Variants in PCDH11X observed in about 807,000 individuals in gnomAD.
The protein encoded by PCDH11X is protocadherin-11 X-linked.
Under a neutral mutation model 53.3 loss-of-function variants are expected in PCDH11X, and 18 were observed. The observed-to-expected ratio is 0.34, with a 90% CI of 0.23 to 0.50. PCDH11X has a LOEUF of 0.50. PCDH11X is among the 20% of genes least tolerant of loss of function. The probability of loss-of-function intolerance (pLI) is 0.98; values close to 1 mark genes in which losing one functional copy is unlikely to be tolerated. For synonymous variants in PCDH11X, 279 were observed against 393.3 expected, an observed-to-expected ratio of 0.71 and a Z score of 3.44; for missense variants, 570 against 1,032.4, an observed-to-expected ratio of 0.55 and a Z score of 6.14.
At chrX:91,964,743 G>A (rs2061841502) in intron 6 of PCDH11X, among the ~76,000 whole-genome samples, 1 of 112,140 alleles carries the variant, frequency 8.9e-6, no homozygotes, top group Non-Finnish European at 1.9e-5. Flanking sequence ...GAGCTGACAG[G>A]TTGTACTAGA....
chrX:92,137,755 A>T (rs2148209734), intron 6 of PCDH11X, among the ~76,000 whole-genome samples: 1 of 109,199 alleles, frequency 9.2e-6, no homozygotes, highest in East Asian at 2.9e-4. Context: ...GTATCAAAAG[A>T]TTTGCTTATT....
At chrX:92,107,212 G>A (rs2064403678) in intron 6 of PCDH11X, among the ~76,000 whole-genome samples, 2 of 111,300 alleles carry the variant, frequency 1.8e-5, no homozygotes, top group African/African-American at 6.5e-5. Context: ...TGTGTTGATT[G>A]ACGTGTGATG....
chrX:91,960,931 CT>C lies in PCDH11X; in HGVS notation c.3033+81659del, dbSNP rs781740517. Among the ~76,000 whole-genome samples, 786 of 106,838 alleles carry C rather than the reference CT, an allele frequency of 7.4e-3. 4 individuals carry two copies. The highest frequency in any genetic ancestry group is 0.025 in the African/African-American group (730 of 29,227). The allele number at this position is 106,838 out of a possible 115,157, so 92.8% of individuals were successfully genotyped here. A position where few individuals can be genotyped will look rare whatever the true frequency, so the allele number is the denominator to read the frequency against. ...TGGATTTATTTCTGGGTTCTGTATT[CT>C]GTTCTATCAGTTTATATGTCTGTTT... On this transcript the variant is annotated intron_variant, in intron 6 of 10. Coordinates refer to ENST00000682573, the MANE Select transcript of PCDH11X (RefSeq NM_032968.5).
chrX:92,292,489 G>C (rs1296332145), intron 8 of PCDH11X, among the ~76,000 whole-genome samples: 1 of 112,048 alleles, frequency 8.9e-6, no homozygotes, highest in Non-Finnish European at 1.9e-5. Context: ...GAATTCAGAA[G>C]ACTTTTAAAA....
chrX:91,807,119 G>A (rs1283249798), intron 1 of PCDH11X, among the ~76,000 whole-genome samples: 6 of 103,211 alleles, frequency 5.8e-5, no homozygotes, highest in Admixed American at 4.3e-4. Flanking sequence ...ATGGGAGGAT[G>A]GCTTGAGAAT....
At chrX:91,997,023 A>G (rs938980134) in intron 6 of PCDH11X, among the ~76,000 whole-genome samples, 3 of 94,903 alleles carry the variant, frequency 3.2e-5, no homozygotes, top group Admixed American at 1.2e-4. Context: ...TTACTTTTTT[A>G]ATAGTTAGTT....
chrX:92,575,972 T>A (rs1602367296), intron 10 of PCDH11X, among the ~76,000 whole-genome samples: 1 of 29,729 alleles, frequency 3.4e-5, no homozygotes, highest in Non-Finnish European at 5.6e-5. Context: ...CACACACACC[T>A]GGGGTGTATA....
intron 10 of PCDH11X, among the ~76,000 whole-genome samples, chrX:92,509,514 AGATTCTCATCTTCT>A (rs2148705344): frequency 8.9e-6 from 1 of 111,954 alleles, no homozygotes; most frequent in East Asian, 2.8e-4. Context: ...TTTCTGTTTC[AGATTCTCATCTTCT>A]TTGAGATAAG....
intron 6 of PCDH11X, among the ~76,000 whole-genome samples, chrX:92,073,617 G>C (rs1466958825): frequency 8.9e-6 from 1 of 112,306 alleles, no homozygotes; most frequent in Non-Finnish European, 1.9e-5. Flanking sequence ...TGGAGGCAAT[G>C]GAAGAGCAAT....
Position 92,619,243 on chromosome X carries a change from C to A in PCDH11X, c.*303C>A, listed in dbSNP as rs188711328. ...CAGTATTTTTTGTTGTTTTTATCAT[C>A]ATGTGCAATATTACTGATTTGTTTC... is the stretch of plus-strand genomic sequence containing the variant. On this transcript the variant is annotated 3_prime_UTR_variant, in exon 11 of 11. Coordinates refer to ENST00000682573, the MANE Select transcript of PCDH11X (RefSeq NM_032968.5). 12 of 346,158 alleles carry A rather than the reference C, an allele frequency of 3.5e-5. No individual in the cohort carries two copies. The Admixed American group carries it at 5.0e-4, about 14-fold the overall frequency. 28.5% of individuals were successfully genotyped at this position (346,158 alleles called of 1,213,427 possible).
At chrX:91,966,001 G>A (rs1414802334) in intron 6 of PCDH11X, among the ~76,000 whole-genome samples, 1 of 111,382 alleles carries the variant, frequency 9.0e-6, no homozygotes, top group Non-Finnish European at 1.9e-5. Flanking sequence ...CTCCTTGACT[G>A]TCTAAAATTA....
chrX:92,242,209 C>T (rs752553294), intron 7 of PCDH11X, among the ~76,000 whole-genome samples: 3 of 111,037 alleles, frequency 2.7e-5, no homozygotes, highest in Non-Finnish European at 5.6e-5. Flanking sequence ...TAACCTCTGA[C>T]GACCACTAAT....
chrX:91,840,099 C>T (rs1450955702), intron 5 of PCDH11X, among the ~76,000 whole-genome samples: 2 of 110,937 alleles, frequency 1.8e-5, no homozygotes, highest in African/African-American at 6.6e-5. Flanking sequence ...AGAAACATCC[C>T]TCAAGCACCC....
intron 6 of PCDH11X, among the ~76,000 whole-genome samples, chrX:92,014,892 G>A (rs1284911334): frequency 9.1e-6 from 1 of 110,422 alleles, no homozygotes. Context: ...TTGTGGGGTG[G>A]GGGGAGTGGG....
chrX:92,507,751 T>A (rs1388353610), intron 10 of PCDH11X, among the ~76,000 whole-genome samples: 4 of 111,223 alleles, frequency 3.6e-5, no homozygotes, highest in African/African-American at 1.3e-4. Context: ...GAATGTGAAT[T>A]CAAAGGAAAC....
chrX:92,381,472 AT>A (rs1478717394), intron 8 of PCDH11X, among the ~76,000 whole-genome samples: 1 of 112,010 alleles, frequency 8.9e-6, no homozygotes, highest in Non-Finnish European at 1.9e-5. Flanking sequence ...CGATGTGTGC[AT>A]TCTCCAATTT....
intron 10 of PCDH11X, among the ~76,000 whole-genome samples, chrX:92,501,362 C>A (rs1426401417): frequency 9.0e-6 from 1 of 111,579 alleles, no homozygotes; most frequent in African/African-American, 3.3e-5. Flanking sequence ...AGGGACTCCT[C>A]CCTAACTAAT....
At chrX:92,495,961 C>T (rs894615732) in intron 10 of PCDH11X, among the ~76,000 whole-genome samples, 1 of 101,836 alleles carries the variant, frequency 9.8e-6, no homozygotes, top group Non-Finnish European at 1.9e-5. Context: ...GAGACAGAAC[C>T]AAATCATATC....
rs553434136 is a variant in PCDH11X at position 92,549,873 on chromosome X, T to A, written c.3368-68391T>A. On this transcript the variant is annotated intron_variant, in intron 10 of 10. Coordinates refer to ENST00000682573, the MANE Select transcript of PCDH11X (RefSeq NM_032968.5). Reference sequence around the variant, plus strand: ...GGGTACATAGTGATGCTTTGATACATACAATGCATAGTGATCAAATCAGGG... The same window carrying A: ...GGGTACATAGTGATGCTTTGATACAAACAATGCATAGTGATCAAATCAGGG... 4.5e-5 allele frequency among the ~76,000 whole-genome samples: 5 copies of A among 111,775 alleles called. No homozygotes were observed. The South Asian group carries it at 1.8e-3, about 41-fold the overall frequency.
Sources: gnomAD v4.1 joint callset for allele counts (sites outside exome capture counted in the v4.1 genomes callset) on GRCh38, gnomAD v4.1.1 for gene constraint, MANE v1.5 for transcripts, NCBI Gene and HGNC (gene_info 2026-07-23, HGNC 2026-07-21) for gene names.